Variants in PPP3CA observed in about 807,000 individuals in gnomAD.
PPP3CA encodes the protein protein phosphatase 3 catalytic subunit alpha.
Under a neutral mutation model 66.5 loss-of-function variants are expected in PPP3CA, and 14 were observed. That is an observed-to-expected ratio of 0.21 (90% CI 0.14 to 0.33). The LOEUF (loss-of-function observed/expected upper bound fraction) is 0.33. Among genes scored for constraint, PPP3CA ranks in the 10% least tolerant of loss-of-function variants. The pLI is 1.00. For synonymous variants in PPP3CA, 232 were observed against 226.2 expected (o/e 1.03, Z -0.23); for missense variants, 317 against 639.5 (o/e 0.50, Z 5.44).
At chr4:101,261,862 C>T (rs1727019900) in intron 1 of PPP3CA, among the ~76,000 whole-genome samples, 1 of 151,288 alleles carries the variant, frequency 6.6e-6, no homozygotes, top group Admixed American at 6.6e-5. Flanking sequence ...CTCCCCCCAC[C>T]CAAAAAAAAA....
At chr4:101,265,976 T>C (rs1380265809) in intron 1 of PPP3CA, among the ~76,000 whole-genome samples, 1 of 152,174 alleles carries the variant, frequency 6.6e-6, no homozygotes, top group African/African-American at 2.4e-5. Context: ...AGAGGGATTA[T>C]GGAATTTACA....
At chr4:101,254,463 T>C (rs897216690) in intron 1 of PPP3CA, among the ~76,000 whole-genome samples, 5 of 151,994 alleles carry the variant, frequency 3.3e-5, no homozygotes, top group Non-Finnish European at 7.4e-5. Flanking sequence ...GTCATTGATT[T>C]GTGATTGCTC....
intron 10 of PPP3CA, among the ~76,000 whole-genome samples, chr4:101,047,660 G>A (rs1727827203): frequency 6.6e-6 from 1 of 151,898 alleles, no homozygotes; most frequent in South Asian, 2.1e-4. Context: ...CTCTCCATGT[G>A]GCCCAGGCTG....
intron 1 of PPP3CA, among the ~76,000 whole-genome samples, chr4:101,277,909 TGA>T (rs1280602358): frequency 6.6e-6 from 1 of 152,150 alleles, no homozygotes; most frequent in Admixed American, 6.5e-5. Context: ...GTCATAACAC[TGA>T]GATAGTGACT....
At chr4:101,106,453 G>GAAAGAAAGAAAGAAA (rs775018059) in intron 3 of PPP3CA, among the ~76,000 whole-genome samples, 1 of 35,512 alleles carries the variant, frequency 2.8e-5, no homozygotes, top group Non-Finnish European at 5.3e-5. Flanking sequence ...AAGAAAGAAA[G>GAAAGAAAGAAAGAAA]AGAAAAGAAA....
intron 1 of PPP3CA, among the ~76,000 whole-genome samples, chr4:101,326,126 A>C (rs1729201083): frequency 6.6e-6 from 1 of 152,066 alleles, no homozygotes; most frequent in Non-Finnish European, 1.5e-5. Flanking sequence ...ACAGAGTGAG[A>C]CTCTGTCTCC....
At chr4:101,169,565 T>C (rs1023793495) in intron 2 of PPP3CA, among the ~76,000 whole-genome samples, 7 of 152,178 alleles carry the variant, frequency 4.6e-5, no homozygotes, top group African/African-American at 1.2e-4. Flanking sequence ...AAATATCCTT[T>C]GAGATCAACA....
intron 11 of PPP3CA, among the ~76,000 whole-genome samples, chr4:101,040,009 A>T (rs964098652): frequency 9.4e-6 from 1 of 106,078 alleles, no homozygotes; most frequent in Non-Finnish European, 2.3e-5. Context: ...ACTATATGGA[A>T]ATTGAAACAG....
intron 1 of PPP3CA, among the ~76,000 whole-genome samples, chr4:101,205,224 C>G (rs1270962987): frequency 1.3e-5 from 2 of 152,052 alleles, no homozygotes; most frequent in African/African-American, 4.8e-5. Context: ...ATTTATTTCT[C>G]AAGTGAGCCA....
chr4:101,129,195 A>G (rs1025641403), intron 2 of PPP3CA, among the ~76,000 whole-genome samples: 2 of 152,138 alleles, frequency 1.3e-5, no homozygotes, highest in African/African-American at 4.8e-5. Flanking sequence ...ATGCCTCTCT[A>G]GATTCCTCCT....
chr4:101,029,082 T>C lies in PPP3CA; in HGVS notation c.1369+84A>G. On this transcript the variant is annotated intron_variant, in intron 13 of 13. Transcript: ENST00000394854. ...GTTAGCTCAACACCCACACACTCTG[T>C]ACAAGCTACAGCAAAAAAATGAATA... 3.7e-6 allele frequency: 5 copies of C among 1,357,284 alleles called. No homozygotes were observed. In the South Asian group the frequency reaches 5.9e-5, roughly 16 times the overall value. The allele number at this position is 1,357,284 out of a possible 1,614,324, so 84.1% of individuals were successfully genotyped here. A position where few individuals can be genotyped will look rare whatever the true frequency, so the allele number is the denominator to read the frequency against.
intron 2 of PPP3CA, among the ~76,000 whole-genome samples, chr4:101,113,334 G>A (rs1162988140): frequency 6.6e-6 from 1 of 152,032 alleles, no homozygotes; most frequent in African/African-American, 2.4e-5. Flanking sequence ...ATACACCTAT[G>A]CTTTTGAGCC....
At chr4:101,285,517 A>T (rs1482618799) in intron 1 of PPP3CA, among the ~76,000 whole-genome samples, 1 of 152,054 alleles carries the variant, frequency 6.6e-6, no homozygotes, top group Non-Finnish European at 1.5e-5. Context: ...GGTGTCCCAC[A>T]TCATCTGAAA....
chr4:101,056,016 TA>T (rs1237669413), intron 10 of PPP3CA, among the ~76,000 whole-genome samples: 1 of 152,104 alleles, frequency 6.6e-6, no homozygotes, highest in Admixed American at 6.6e-5. Flanking sequence ...TTGTTTGTTT[TA>T]AAAAAATCAT....
chr4:101,228,625 T>G (rs1457731121), intron 1 of PPP3CA, among the ~76,000 whole-genome samples: 1 of 151,624 alleles, frequency 6.6e-6, no homozygotes, highest in African/African-American at 2.4e-5. Context: ...AAAAGGGGCT[T>G]TTCTTTCCTG....
At chr4:101,076,797 A>G (rs1403726424) in intron 8 of PPP3CA, among the ~76,000 whole-genome samples, 2 of 152,244 alleles carry the variant, frequency 1.3e-5, no homozygotes, top group Non-Finnish European at 2.9e-5. Context: ...TTGCACTAAC[A>G]TGTGACAAAA....
At chr4:101,335,758 G>A (rs1271899881) in intron 1 of PPP3CA, among the ~76,000 whole-genome samples, 2 of 152,130 alleles carry the variant, frequency 1.3e-5, no homozygotes, top group East Asian at 1.9e-4. Context: ...TGAGGACACA[G>A]AAGGGCAAGC....
chr4:101,074,659 A>T (rs1729101861), intron 8 of PPP3CA, among the ~76,000 whole-genome samples: 1 of 152,144 alleles, frequency 6.6e-6, no homozygotes, highest in African/African-American at 2.4e-5. Flanking sequence ...TTCTCTTTTT[A>T]TTTATAAATG....
intron 10 of PPP3CA, among the ~76,000 whole-genome samples, chr4:101,053,221 T>A (rs1728084928): frequency 6.6e-6 from 1 of 152,162 alleles, no homozygotes; most frequent in Admixed American, 6.6e-5. Flanking sequence ...GATTTCAATT[T>A]TACGTGCCAC....
Sources: gnomAD v4.1 joint callset for allele counts (sites outside exome capture counted in the v4.1 genomes callset) on GRCh38, gnomAD v4.1.1 for gene constraint, MANE v1.5 for transcripts, NCBI Gene and HGNC (gene_info 2026-07-23, HGNC 2026-07-21) for gene names.